MRPS30: variants seen among roughly 807,000 people sequenced by gnomAD.
MRPS30 encodes mitochondrial ribosomal protein S30.
Under a neutral mutation model 43.8 loss-of-function variants are expected in MRPS30, and 42 were observed. The observed-to-expected ratio is 0.96, with a 90% CI of 0.75 to 1.24. MRPS30 has a LOEUF of 1.24. MRPS30 is among the 50% of genes most tolerant of loss of function. MRPS30 has a pLI of 0.00. For synonymous variants in MRPS30, 273 were observed against 228.2 expected (o/e 1.20, Z -1.77); for missense variants, 638 against 570.0 (o/e 1.12, Z -1.22).
rs756586666 is a variant in MRPS30 at position 44,808,992 on chromosome 5, G to A, written c.30G>A (p.Leu10=). The change falls in exon 1 of 5, where the codon TTG becomes TTA. Residue 10 remains leucine, a synonymous_variant. Transcript: ENST00000507110. The part of the protein sequence containing the change: MAAARCWRP[L]LRGPRLSLHT... ...CGGCGGCCAGGTGTTGGAGGCCTTT[G>A]CTACGCGGTCCGAGGCTTTCATTGC... is the stretch of plus-strand genomic sequence containing the variant. 2.5e-6 allele frequency: 4 copies of A among 1,607,808 alleles called. No homozygotes were observed. The South Asian group carries it at 4.4e-5, about 18-fold the overall frequency.
Position 44,809,418 on chromosome 5 carries a change from G to T in MRPS30, c.456G>T (p.Gln152His). The change falls in exon 1 of 5, where the codon CAG becomes CAT. Residue 152 changes from glutamine (Q) to histidine (H), a missense_variant. Transcript: ENST00000507110. ...LRAVACDCLL[Q>H]EHFYLRRRRR... Reference sequence around the variant, plus strand: ...CGGTCGCCTGCGACTGCCTGCTGCAGGAGCACTTCTACCTGCGGCGCAGGC... The same window carrying T: ...CGGTCGCCTGCGACTGCCTGCTGCATGAGCACTTCTACCTGCGGCGCAGGC... 1 of 1,613,128 alleles carries T rather than the reference G, an allele frequency of 6.2e-7. No homozygotes were observed. The highest frequency in any genetic ancestry group is 2.2e-5 in the East Asian group (1 of 44,840).
rs776679698 is a variant in MRPS30 at position 44,815,096 on chromosome 5, T to C, written c.1214T>C (p.Ile405Thr). The C allele has an allele frequency of 1.1e-5, 17 of 1,612,300 alleles. No individual in the cohort carries two copies. In the African/African-American group the frequency reaches 2.1e-4, roughly 20 times the overall value. Reference protein sequence around the residue: ...GTQSKPLYETIEDNDVKGFND... With the variant: ...GTQSKPLYETTEDNDVKGFND... ...CAAAGTAAGCCTCTTTATGAAACAATTGAGGATAATGATGTGAAAGGTTTT... is the reference window on the plus strand; with the variant it reads ...CAAAGTAAGCCTCTTTATGAAACAACTGAGGATAATGATGTGAAAGGTTTT... Residue 405 changes from isoleucine (I) to threonine (T), a missense_variant, in exon 5 of 5, where the codon ATT becomes ACT. Coordinates refer to ENST00000507110, the MANE Select transcript of MRPS30 (RefSeq NM_016640.4).
In MRPS30 at chr5:44,810,845, A is replaced by T. The variant is rs1020582847; in HGVS notation, c.602-164A>T. Among the ~76,000 whole-genome samples, 35 of 152,212 alleles carry T rather than the reference A, an allele frequency of 2.3e-4. 1 individual carries two copies. The highest frequency in any genetic ancestry group is 1.5e-5 in the Non-Finnish European group (1 of 68,032). On this transcript the variant is annotated intron_variant, in intron 1 of 4. Transcript: ENST00000507110. ...GCACAAGTAGACAATAAATGTTTGA[A>T]TGTTATATTTAAGTCATAATAGTTA...
In MRPS30 at chr5:44,815,349, T is replaced by C; in HGVS notation, c.*147T>C. Reference sequence around the variant, plus strand: ...CAACCTGTTATTAGATCTCTTACTCTGCTCAAATTCATCACTGAAAGATTT... The same window carrying C: ...CAACCTGTTATTAGATCTCTTACTCCGCTCAAATTCATCACTGAAAGATTT... On this transcript the variant is annotated 3_prime_UTR_variant, in exon 5 of 5. Transcript: ENST00000507110. 2 of 679,814 alleles carry C rather than the reference T, an allele frequency of 2.9e-6. No individual in the cohort carries two copies. The highest frequency in any genetic ancestry group is 2.9e-5 in the South Asian group (1 of 35,004). 42.1% of individuals were successfully genotyped at this position (679,814 alleles called of 1,614,324 possible).
In MRPS30 at chr5:44,815,283, C is replaced by T; in HGVS notation, c.*81C>T. Reference sequence around the variant, plus strand: ...TAATGATGAGATTTGTAACTGTCAACTATTAAATACATTGATTTTTGAGAC... The same window carrying T: ...TAATGATGAGATTTGTAACTGTCAATTATTAAATACATTGATTTTTGAGAC... On this transcript the variant is annotated 3_prime_UTR_variant, in exon 5 of 5. Coordinates refer to ENST00000507110, the MANE Select transcript of MRPS30 (RefSeq NM_016640.4). 8.2e-7 allele frequency: 1 copy of T among 1,217,270 alleles called. No homozygotes were observed. Among genetic ancestry groups the T allele is most frequent in the Non-Finnish European group, 1.1e-6 (1 of 889,578 alleles). 75.4% of individuals were successfully genotyped at this position (1,217,270 alleles called of 1,614,324 possible). A position where few individuals can be genotyped will look rare whatever the true frequency, so the allele number is the denominator to read the frequency against.
intron 3 of MRPS30, 22 bp downstream of exon 3, chr5:44,812,042 T>C (rs936067749): frequency 6.6e-7 from 1 of 1,507,502 alleles, no homozygotes; most frequent in Admixed American, 1.9e-5. Flanking sequence ...TTTTGACATA[T>C]TGTACCATAA....
intron 1 of MRPS30, chr5:44,809,884 AAG>A (rs1742801912): frequency 3.2e-6 from 1 of 308,660 alleles, no homozygotes; most frequent in African/African-American, 2.2e-5. Flanking sequence ...AACGCCACTT[AAG>A]AGAGTGGGGC....
intron 1 of MRPS30, chr5:44,809,950 C>T (rs1218957148): frequency 4.6e-6 from 1 of 217,546 alleles, no homozygotes; most frequent in Non-Finnish European, 9.0e-6. Flanking sequence ...CCATGTGTCA[C>T]ATGGCTGAGT....
intron 3 of MRPS30, among the ~76,000 whole-genome samples, chr5:44,812,406 CATA>C (rs1358091153): frequency 6.6e-6 from 1 of 152,092 alleles, no homozygotes; most frequent in Non-Finnish European, 1.5e-5. Flanking sequence ...TTCACAAATT[CATA>C]ATGTCTGATG....
chr5:44,814,933 G>A lies in MRPS30; in HGVS notation c.1051G>A (p.Val351Ile), dbSNP rs1248626131. The change falls in exon 5 of 5, where the codon GTT becomes ATT. Residue 351 changes from valine to isoleucine, a missense_variant. Val to Ile is a conservative substitution (Grantham distance 29). Transcript: ENST00000507110. ...TACAGGATTCTGGAGTGAAGCAGAT[G>A]TTACTCGACCTTTTGTCTCCCAGGC... Reference protein sequence around the residue: ...MYQGFWSEADVTRPFVSQAVI... With the variant: ...MYQGFWSEADITRPFVSQAVI... 1 of 1,610,974 alleles carries A rather than the reference G, an allele frequency of 6.2e-7. No individual in the cohort carries two copies. Among genetic ancestry groups the A allele is most frequent in the Non-Finnish European group, 8.5e-7 (1 of 1,178,488 alleles).
chr5:44,814,953 C>T lies in MRPS30; in HGVS notation c.1071C>T (p.Ser357=), dbSNP rs1309373440. 24 of 1,613,268 alleles carry T rather than the reference C, an allele frequency of 1.5e-5. No individual in the cohort carries two copies. In the Admixed American group the frequency reaches 4.0e-4, roughly 27 times the overall value. Residue 357 remains serine (S), a synonymous_variant, in exon 5 of 5, where the codon TCC becomes TCT. Coordinates refer to ENST00000507110, the MANE Select transcript of MRPS30 (RefSeq NM_016640.4). ...SEADVTRPFV[S]QAVITDGKYF... ...CAGATGTTACTCGACCTTTTGTCTC[C>T]CAGGCTGTGATCACAGATGGAAAAT...
chr5:44,810,937 T>C (rs1742829868), intron 1 of MRPS30, 72 bp from the exon 2 acceptor site: 2 of 1,361,860 alleles, frequency 1.5e-6, no homozygotes, highest in Non-Finnish European at 2.0e-6. Context: ...GTTAGTACTC[T>C]TTAGTGTTCT....
rs769897774 is a variant in MRPS30 at position 44,809,235 on chromosome 5, C to T, written c.273C>T (p.Tyr91=). 10 of 1,613,576 alleles carry T rather than the reference C, an allele frequency of 6.2e-6. No homozygotes were observed. The highest frequency in any genetic ancestry group is 1.3e-5 in the African/African-American group (1 of 74,938). ...RILTKMQFMK[Y]MVYPQTFALN... Reference sequence around the variant, plus strand: ...TCACCAAGATGCAGTTTATGAAGTACATGGTTTACCCGCAGACCTTCGCGC... The same window carrying T: ...TCACCAAGATGCAGTTTATGAAGTATATGGTTTACCCGCAGACCTTCGCGC... Residue 91 remains tyrosine, a synonymous_variant, in exon 1 of 5, where the codon TAC becomes TAT. Coordinates refer to ENST00000507110, the MANE Select transcript of MRPS30 (RefSeq NM_016640.4).
chr5:44,812,161 C>G (rs1472748273), intron 3 of MRPS30, 141 bp downstream of exon 3: 1 of 461,048 alleles, frequency 2.2e-6, no homozygotes, highest in Non-Finnish European at 3.9e-6. Flanking sequence ...TTCGTAATCT[C>G]AGGTTATTAC....
chr5:44,813,256 G>A lies in MRPS30; in HGVS notation c.1004G>A (p.Trp335Ter). 6.2e-7 allele frequency: 1 copy of A among 1,605,302 alleles called. No individual in the cohort carries two copies. The highest frequency in any genetic ancestry group is 8.5e-7 in the Non-Finnish European group (1 of 1,176,938). The change falls in exon 4 of 5, where the codon TGG becomes TAG. Residue 335 changes from tryptophan to a stop codon, truncating the protein, a stop_gained. Coordinates refer to ENST00000507110, the MANE Select transcript of MRPS30 (RefSeq NM_016640.4). LOFTEE classifies it high-confidence loss of function. Reference sequence around the variant, plus strand: ...AATGCTATTGCAAGCCTTTTTGCTTGGACTGGAGCACAAGCTATGTATCAA... The same window carrying A: ...AATGCTATTGCAAGCCTTTTTGCTTAGACTGGAGCACAAGCTATGTATCAA... ...RANAIASLFAWTGAQAMYQGF... is the reference protein window; with the variant it reads ...RANAIASLFA
rs531395195 is a variant in MRPS30 at position 44,810,851 on chromosome 5, T to C, written c.602-158T>C. Among the ~76,000 whole-genome samples, 10 of 152,368 alleles carry C rather than the reference T, an allele frequency of 6.6e-5. No homozygotes were observed. The South Asian group carries it at 2.1e-3, about 32-fold the overall frequency. On this transcript the variant is annotated intron_variant, in intron 1 of 4. Transcript: ENST00000507110. ...GTAGACAATAAATGTTTGAATGTTA[T>C]ATTTAAGTCATAATAGTTAAATTAC...
At chr5:44,811,799 A>AT in intron 2 of MRPS30, 116 bp from the exon 3 acceptor site, 1 of 645,588 alleles carries the variant, frequency 1.5e-6, no homozygotes, top group African/African-American at 1.9e-5. Context: ...CGATGATAGT[A>AT]TTATCAAATC....
At position 44,813,221 on chromosome 5, in the gene MRPS30, T is replaced by C; in HGVS notation, c.969T>C (p.Val323=). ...RQNCADQIEV[V]FRANAIASLF... ...ACTGTGCTGATCAGATAGAAGTTGT[T>C]TTTAGAGCTAATGCTATTGCAAGCC... The change falls in exon 4 of 5, where the codon GTT becomes GTC. Residue 323 remains valine (V), a synonymous_variant. Transcript: ENST00000507110. The C allele has an allele frequency of 6.2e-7, 1 of 1,612,632 alleles. No homozygotes were observed. Among genetic ancestry groups the C allele is most frequent in the Non-Finnish European group, 8.5e-7 (1 of 1,179,428 alleles).
At position 44,809,322 on chromosome 5, in the gene MRPS30, G is replaced by GT; in HGVS notation, c.360_361insT (p.Pro121SerfsTer14). 1 of 1,611,642 alleles carries GT rather than the reference G, an allele frequency of 6.2e-7. No individual in the cohort carries two copies. Among genetic ancestry groups the GT allele is most frequent in the South Asian group, 1.1e-5 (1 of 90,884 alleles). On this transcript the variant is annotated frameshift_variant, in exon 1 of 5. Coordinates refer to ENST00000507110, the MANE Select transcript of MRPS30 (RefSeq NM_016640.4). LOFTEE classifies it high-confidence loss of function. The stretch of plus-strand genomic sequence containing the variant: ...CCGTGTTCCTGTCGGGTCTGCCGCC[G>GT]CCCCCAGCGGAGCCCGAGCCCGAGC...
Sources: gnomAD v4.1 joint callset for allele counts (sites outside exome capture counted in the v4.1 genomes callset) on GRCh38, gnomAD v4.1.1 for gene constraint, MANE v1.5 for transcripts, NCBI Gene and HGNC (gene_info 2026-07-23, HGNC 2026-07-21) for gene names.